The following RBMS3 variants were observed in gnomAD, a reference collection of about 807,000 sequenced individuals.
RBMS3 encodes RNA binding motif single stranded interacting protein 3, also known as RNA-binding motif, single-stranded-interacting protein 3.
A neutral mutation model predicts 66.8 loss-of-function variants in RBMS3; 27 were observed. The ratio of observed to expected loss-of-function variants is 0.40; its 90% confidence interval spans 0.30 to 0.56. The LOEUF is 0.56. Ranked by LOEUF, RBMS3 falls within the 20% of genes least tolerant of loss-of-function variation. The probability of loss-of-function intolerance (pLI) is 0.40; values close to 1 mark genes in which losing one functional copy is unlikely to be tolerated. For missense variants in RBMS3, 513 were observed against 549.5 expected, an observed-to-expected ratio of 0.93 and a Z score of 0.66; for synonymous variants, 188 against 183.0, an observed-to-expected ratio of 1.03 and a Z score of -0.22.
intron 1 of RBMS3, among the ~76,000 whole-genome samples, chr3:29,288,555 G>A (rs1160165592): frequency 1.3e-5 from 2 of 151,962 alleles, no homozygotes; most frequent in African/African-American, 2.4e-5. Context: ...GTGATAGTAT[G>A]ATGCTTTACT....
chr3:29,558,679 G>T lies in RBMS3; in HGVS notation c.308-28435G>T, dbSNP rs187590454. 3.8e-4 allele frequency among the ~76,000 whole-genome samples: 58 copies of T among 152,202 alleles called. No individual in the cohort carries two copies. The East Asian group carries it at 0.011, about 28-fold the overall frequency. On this transcript the variant is annotated intron_variant, in intron 3 of 14. Transcript: ENST00000383767. ...TAGAACCTGAAATGATCTGTATATG[G>T]AATTAAAGGTAATTCGTCATCACAA... is the stretch of plus-strand genomic sequence containing the variant.
chr3:29,609,619 A>G (rs2048428319), intron 4 of RBMS3, among the ~76,000 whole-genome samples: 2 of 152,040 alleles, frequency 1.3e-5, no homozygotes, highest in African/African-American at 4.8e-5. Flanking sequence ...CTCTACATTT[A>G]TAGATACTGG....
At chr3:29,524,251 G>A (rs1258245818) in intron 3 of RBMS3, among the ~76,000 whole-genome samples, 1 of 151,986 alleles carries the variant, frequency 6.6e-6, no homozygotes, top group Admixed American at 6.6e-5. Flanking sequence ...ACTTACAGAG[G>A]TTTCAGTGAA....
chr3:29,649,205 A>T (rs1276791264), intron 4 of RBMS3, among the ~76,000 whole-genome samples: 1 of 152,180 alleles, frequency 6.6e-6, no homozygotes, highest in Non-Finnish European at 1.5e-5. Flanking sequence ...TTGAATAGGT[A>T]ACATGTTCAC....
At chr3:29,667,183 C>T (rs1319521941) in intron 4 of RBMS3, among the ~76,000 whole-genome samples, 1 of 152,170 alleles carries the variant, frequency 6.6e-6, no homozygotes, top group Non-Finnish European at 1.5e-5. Context: ...CAAGCTATGG[C>T]AATCTGAATG....
intron 6 of RBMS3, among the ~76,000 whole-genome samples, chr3:29,856,623 A>G (rs1292080763): frequency 6.6e-6 from 1 of 152,210 alleles, no homozygotes; most frequent in Non-Finnish European, 1.5e-5. Flanking sequence ...ATTGGTACCT[A>G]TCTAAGAAAA....
intron 3 of RBMS3, among the ~76,000 whole-genome samples, chr3:29,527,390 G>T (rs970497533): frequency 6.6e-6 from 1 of 152,106 alleles, no homozygotes; most frequent in African/African-American, 2.4e-5. Context: ...ATTGCACTAA[G>T]ATGATTAAAT....
chr3:29,880,735 G>C, intron 7 of RBMS3: 2 of 1,511,212 alleles, frequency 1.3e-6, no homozygotes, highest in Non-Finnish European at 1.8e-6. Context: ...TGTTCCAAAT[G>C]CATATGACCT....
chr3:29,495,571 A>T (rs1019202118), intron 3 of RBMS3, among the ~76,000 whole-genome samples: 2 of 151,450 alleles, frequency 1.3e-5, no homozygotes, highest in Non-Finnish European at 2.9e-5. Flanking sequence ...GCGCGCCACC[A>T]TGCCCCATTA....
At chr3:29,849,084 C>T (rs1423855459) in intron 6 of RBMS3, among the ~76,000 whole-genome samples, 2 of 151,960 alleles carry the variant, frequency 1.3e-5, no homozygotes, top group African/African-American at 2.4e-5. Context: ...CAGATATACA[C>T]TCAGGTCTAT....
rs989351529 is a variant in RBMS3, at chr3:29,411,834, T to G, written c.76-22909T>G. On this transcript the variant is annotated intron_variant, in intron 1 of 14. Coordinates refer to ENST00000383767, the MANE Select transcript of RBMS3 (RefSeq NM_001003793.3). ...CAAATAGCAACTGAATTGACTGGAG[T>G]TTTTATTGTTTCAAACACATACACA... 4.6e-5 allele frequency among the ~76,000 whole-genome samples: 7 copies of G among 152,102 alleles called. 1 individual carries two copies.
intron 4 of RBMS3, among the ~76,000 whole-genome samples, chr3:29,658,969 C>T (rs2050425277): frequency 6.6e-6 from 1 of 151,934 alleles, no homozygotes; most frequent in Admixed American, 6.6e-5. Context: ...ACTACAGGCA[C>T]GAGCCACCAC....
chr3:29,582,608 G>C (rs954328625), intron 3 of RBMS3, among the ~76,000 whole-genome samples: 2 of 152,196 alleles, frequency 1.3e-5, no homozygotes, highest in African/African-American at 4.8e-5. Context: ...GATTTTAGCA[G>C]TTACCGGAAA....
chr3:29,499,915 G>A (rs1054310073), intron 3 of RBMS3, among the ~76,000 whole-genome samples: 1 of 152,160 alleles, frequency 6.6e-6, no homozygotes, highest in African/African-American at 2.4e-5. Flanking sequence ...TAAGGGTAGT[G>A]TGAAAAATAA....
At chr3:29,924,598 G>A (rs2060881207) in intron 10 of RBMS3, among the ~76,000 whole-genome samples, 1 of 35,642 alleles carries the variant, frequency 2.8e-5, no homozygotes, top group Admixed American at 2.5e-4. Flanking sequence ...AGCACTTTGG[G>A]AGGCCAGGGG....
At chr3:29,725,616 G>A (rs2053831086) in intron 4 of RBMS3, among the ~76,000 whole-genome samples, 1 of 152,022 alleles carries the variant, frequency 6.6e-6, no homozygotes, top group African/African-American at 2.4e-5. Context: ...TAGAAGAAAT[G>A]GATAAATTCC....
intron 1 of RBMS3, among the ~76,000 whole-genome samples, chr3:29,391,730 A>C (rs2039305405): frequency 6.6e-6 from 1 of 152,164 alleles, no homozygotes; most frequent in Non-Finnish European, 1.5e-5. Context: ...TCAACTTTGC[A>C]GTCTCTACTT....
chr3:29,549,952 T>C (rs2046124666), intron 3 of RBMS3, among the ~76,000 whole-genome samples: 1 of 152,100 alleles, frequency 6.6e-6, no homozygotes, highest in South Asian at 2.1e-4. Context: ...TATATATATA[T>C]AGGCATTAAA....
rs759449193 is a variant in RBMS3, at chr3:29,281,759, A to G, written c.75+3A>G. The G allele has an allele frequency of 6.2e-7, 1 of 1,609,860 alleles. No individual in the cohort carries two copies. The highest frequency in any genetic ancestry group is 8.5e-7 in the Non-Finnish European group (1 of 1,176,588). On this transcript the variant is annotated splice_donor_region_variant and intron_variant, in intron 1 of 14. Transcript: ENST00000383767. ...ATCCTCATTATCTCCAAACCAAGGT[A>G]TGGCTTGACCCACGGTCTGGCGATC...
Sources: gnomAD v4.1 joint callset for allele counts (sites outside exome capture counted in the v4.1 genomes callset) on GRCh38, gnomAD v4.1.1 for gene constraint, MANE v1.5 for transcripts, NCBI Gene and HGNC (gene_info 2026-07-23, HGNC 2026-07-21) for gene names.